PDZD2: variants seen among roughly 807,000 people sequenced by gnomAD.
PDZD2 encodes the protein PDZ domain-containing protein 2.
A neutral mutation model predicts 220.7 loss-of-function variants in PDZD2; 90 were observed. The ratio of observed to expected loss-of-function variants is 0.41; its 90% CI spans 0.34 to 0.49. PDZD2 has a LOEUF of 0.49. PDZD2 is among the 20% of genes least tolerant of loss of function. The probability of loss-of-function intolerance (pLI) is 0.28; values close to 1 mark genes in which losing one functional copy is unlikely to be tolerated. For missense variants in PDZD2, 3,174 were observed against 3,608.5 expected (o/e 0.88, Z 3.08); for synonymous variants, 1,375 against 1,450.5 (o/e 0.95, Z 1.18).
chr5:31,793,198 T>C (rs1390721731), intron 1 of PDZD2, among the ~76,000 whole-genome samples: 5 of 139,756 alleles, frequency 3.6e-5, no homozygotes, highest in Admixed American at 3.2e-4. Context: ...CATTAGCCAA[T>C]GTTGATAAAA....
chr5:31,715,464 T>C (rs1748392205), intron 1 of PDZD2, among the ~76,000 whole-genome samples: 1 of 152,228 alleles, frequency 6.6e-6, no homozygotes, highest in Non-Finnish European at 1.5e-5. Flanking sequence ...ATCTATTTTG[T>C]GATCATTAAG....
intron 1 of PDZD2, among the ~76,000 whole-genome samples, chr5:31,703,393 G>A (rs1015390270): frequency 6.6e-6 from 1 of 152,010 alleles, no homozygotes. Flanking sequence ...ACCAAACACC[G>A]CATGTTCTCA....
At chr5:31,845,211 A>G (rs562043057) in intron 2 of PDZD2, among the ~76,000 whole-genome samples, 1 of 152,300 alleles carries the variant, frequency 6.6e-6, no homozygotes, top group South Asian at 2.1e-4. Context: ...GGCTTACAAT[A>G]TCAGGCATCA....
At chr5:31,673,438 G>C (rs1746290187) in intron 1 of PDZD2, among the ~76,000 whole-genome samples, 1 of 152,182 alleles carries the variant, frequency 6.6e-6, no homozygotes, top group Non-Finnish European at 1.5e-5. Flanking sequence ...AGAACAAGAG[G>C]TTATGGCTCC....
intron 1 of PDZD2, among the ~76,000 whole-genome samples, chr5:31,794,393 C>CTTTT (rs34331530): frequency 3.9e-3 from 408 of 105,122 alleles, no homozygotes; most frequent in Non-Finnish European, 5.7e-3. Flanking sequence ...TTCTTTCTTT[C>CTTTT]TTTTTTTTTT....
intron 2 of PDZD2, among the ~76,000 whole-genome samples, chr5:31,946,041 C>T (rs1287234444): frequency 6.6e-6 from 1 of 152,178 alleles, no homozygotes; most frequent in Non-Finnish European, 1.5e-5. Context: ...CTCCCTCTGT[C>T]ACCCAGGCTG....
At chr5:31,793,191 T>C (rs1406508777) in intron 1 of PDZD2, among the ~76,000 whole-genome samples, 1 of 143,126 alleles carries the variant, frequency 7.0e-6, no homozygotes, top group African/African-American at 2.6e-5. Flanking sequence ...CAGAAAACAT[T>C]AGCCAATGTT....
At chr5:32,034,185 T>C (rs1167651242) in intron 6 of PDZD2, among the ~76,000 whole-genome samples, 1 of 152,052 alleles carries the variant, frequency 6.6e-6, no homozygotes, top group Non-Finnish European at 1.5e-5. Flanking sequence ...TTTTCCTTGC[T>C]CGGCATGAGC....
rs746827040 is a variant in PDZD2 at position 32,109,102 on chromosome 5, A to AAAT, written c.*968_*970dup. 9.9e-5 allele frequency: 15 copies of AAAT among 152,112 alleles called. No homozygotes were observed. The highest frequency in any genetic ancestry group is 3.6e-4 in the African/African-American group (15 of 41,282). The allele number at this position is 152,112 out of a possible 1,614,324, so 9.4% of individuals were successfully genotyped here. On this transcript the variant is annotated 3_prime_UTR_variant, in exon 25 of 25. Transcript: ENST00000438447. ...TGCACTCCAACCATGAATTTAAACTAAATTTTTAGAAATCAAGTATCTTTC... is the reference window on the plus strand; with the variant it reads ...TGCACTCCAACCATGAATTTAAACTAAATAATTTTTAGAAATCAAGTATCTTTC...
At chr5:32,007,055 A>G (rs909716678) in intron 5 of PDZD2, among the ~76,000 whole-genome samples, 2 of 151,748 alleles carry the variant, frequency 1.3e-5, no homozygotes, top group Non-Finnish European at 2.9e-5. Context: ...AGCAGGGACT[A>G]CAGGCGCCCG....
intron 3 of PDZD2, among the ~76,000 whole-genome samples, chr5:31,991,892 A>T (rs1475388103): frequency 6.6e-6 from 1 of 152,100 alleles, no homozygotes; most frequent in African/African-American, 2.4e-5. Context: ...AGCTGAGTGG[A>T]TGTGGTGGTG....
chr5:32,098,348 C>T lies in PDZD2; in HGVS notation c.7948-16C>T. Reference sequence around the variant, plus strand: ...GTGGATCTGGTTTTTGTTCCCTTTTCCTTTCCTCATCCCAGGTCCACAGGG... The same window carrying T: ...GTGGATCTGGTTTTTGTTCCCTTTTTCTTTCCTCATCCCAGGTCCACAGGG... On this transcript the variant is annotated splice_polypyrimidine_tract_variant and intron_variant, in intron 22 of 24. Transcript: ENST00000438447. This position sits in a 1 kb window ranked among gnomAD's most constrained non-coding sequence, Gnocchi z 4.1. 7 of 1,610,022 alleles carry T rather than the reference C, an allele frequency of 4.3e-6. No individual in the cohort carries two copies. In the South Asian group the frequency reaches 7.7e-5, roughly 18 times the overall value.
intron 2 of PDZD2, among the ~76,000 whole-genome samples, chr5:31,818,494 T>G (rs1371869115): frequency 6.6e-6 from 1 of 152,062 alleles, no homozygotes; most frequent in Non-Finnish European, 1.5e-5. Flanking sequence ...CACCCTAGTT[T>G]CTCCTCTCTT....
In PDZD2 at chr5:32,000,167, C is replaced by T. The variant is rs770077586; in HGVS notation, c.1150C>T (p.Leu384=). The T allele has an allele frequency of 1.9e-6, 3 of 1,613,924 alleles. No individual in the cohort carries two copies. The South Asian group carries it at 3.3e-5, about 18-fold the overall frequency. Reference sequence around the variant, plus strand: ...TGGCAGGCTGTCCTTAGGAGATGAGCTGCTGGTAATCAATGGTCATTTACT... The same window carrying T: ...TGGCAGGCTGTCCTTAGGAGATGAGTTGCTGGTAATCAATGGTCATTTACT... The part of the protein sequence containing the change: ...RDGRLSLGDE[L]LVINGHLLVG... The change falls in exon 5 of 25, where the codon CTG becomes TTG. Residue 384 remains leucine (L), a synonymous_variant. Coordinates refer to ENST00000438447, the MANE Select transcript of PDZD2 (RefSeq NM_178140.4). This position sits in a 1 kb window ranked among gnomAD's most constrained non-coding sequence, Gnocchi z 4.5.
intron 1 of PDZD2, among the ~76,000 whole-genome samples, chr5:31,735,981 A>G (rs79898340): frequency 6.6e-6 from 1 of 151,890 alleles, no homozygotes; most frequent in Admixed American, 6.6e-5. Context: ...TCCAAATTAT[A>G]TAGAGCACAA....
chr5:31,692,052 G>A (rs1342615980), intron 1 of PDZD2, among the ~76,000 whole-genome samples: 1 of 152,242 alleles, frequency 6.6e-6, no homozygotes. Flanking sequence ...ACTGGGCGCA[G>A]TGGAGCACGG....
At chr5:31,903,302 AT>A (rs200282603) in intron 2 of PDZD2, among the ~76,000 whole-genome samples, 12 of 152,114 alleles carry the variant, frequency 7.9e-5, no homozygotes, top group African/African-American at 2.6e-4. Context: ...TCAAAAAAAA[AT>A]AAAATTAAAA....
chr5:32,029,329 TAAAAAAAAAAAAA>T (rs34025632), intron 6 of PDZD2, among the ~76,000 whole-genome samples: 3 of 65,834 alleles, frequency 4.6e-5, no homozygotes, highest in African/African-American at 5.9e-5. Context: ...TCAAGAACTG[TAAAAAAAAAAAAA>T]AAAAAAAAAA....
chr5:31,768,628 G>A (rs1444222187), intron 1 of PDZD2, among the ~76,000 whole-genome samples: 4 of 136,330 alleles, frequency 2.9e-5, no homozygotes, highest in Admixed American at 1.5e-4. Context: ...GCAACAGAGC[G>A]AGACTCTGTC....
Sources: gnomAD v4.1 joint callset for allele counts (sites outside exome capture counted in the v4.1 genomes callset) on GRCh38, gnomAD v4.1.1 for gene constraint, Gnocchi (gnomAD v3.1) non-coding constraint, MANE v1.5 for transcripts, NCBI Gene and HGNC (gene_info 2026-07-23, HGNC 2026-07-21) for gene names.